MSANTD2: variants seen among roughly 807,000 people sequenced by gnomAD.
MSANTD2 encodes the protein Myb/SANT DNA binding domain containing 2, also known as myb/SANT-like DNA-binding domain-containing protein 2.
A neutral mutation model predicts 52.6 loss-of-function variants in MSANTD2; 19 were observed. That is an observed-to-expected ratio of 0.36 (90% CI 0.25 to 0.53). The LOEUF (loss-of-function observed/expected upper bound fraction) is 0.53, where lower values mean the gene tolerates loss of function less well. Ranked by LOEUF, MSANTD2 falls within the 20% of genes least tolerant of loss-of-function variation. The probability of loss-of-function intolerance (pLI) is 0.91; values close to 1 mark genes in which losing one functional copy is unlikely to be tolerated. For missense variants in MSANTD2, 558 were observed against 716.3 expected (o/e 0.78, Z 2.52); for synonymous variants, 291 against 289.7 (o/e 1.00, Z -0.04).
At chr11:124,773,264 A>C in intron 2 of MSANTD2, 2 of 374,988 alleles carry the variant, frequency 5.3e-6, no homozygotes, top group Non-Finnish European at 9.5e-6. Context: ...AACCAGCTCT[A>C]CAAGTATAAA....
At chr11:124,782,786 G>GT (rs1945025155) in intron 1 of MSANTD2, among the ~76,000 whole-genome samples, 1 of 152,172 alleles carries the variant, frequency 6.6e-6, no homozygotes, top group Non-Finnish European at 1.5e-5. Context: ...TAATTTTAAA[G>GT]TAGTAAATCA....
Position 124,767,233 on chromosome 11 carries a change from G to C in MSANTD2, c.1623C>G (p.Gly541=). 1 of 1,613,934 alleles carries C rather than the reference G, an allele frequency of 6.2e-7. No homozygotes were observed. Among genetic ancestry groups the C allele is most frequent in the South Asian group, 1.1e-5 (1 of 91,022 alleles). ...VEVERDFLSA[G]SLVECLEKAI... Reference sequence around the variant, plus strand: ...CTTTTTCCAGGCACTCAACTAAAGAGCCTGCGGAAAGAAAATCCCTCTCTA... The same window carrying C: ...CTTTTTCCAGGCACTCAACTAAAGACCCTGCGGAAAGAAAATCCCTCTCTA... The change falls in exon 4 of 4, where the codon GGC becomes GGG. Residue 541 remains glycine (G), a synonymous_variant. Transcript: ENST00000374979. The surrounding 1 kb of genome is among the most constrained non-coding windows in gnomAD (Gnocchi z 6.5).
At chr11:124,778,368 GCTTAAAAT>G (rs1449175206) in intron 1 of MSANTD2, among the ~76,000 whole-genome samples, 2 of 152,142 alleles carry the variant, frequency 1.3e-5, no homozygotes, top group East Asian at 3.9e-4. Flanking sequence ...GCAGAAATGT[GCTTAAAAT>G]TATTAAAAAC....
intron 1 of MSANTD2, among the ~76,000 whole-genome samples, chr11:124,788,449 T>C (rs1945233553): frequency 6.6e-6 from 1 of 152,238 alleles, no homozygotes; most frequent in Non-Finnish European, 1.5e-5. Flanking sequence ...TATATGGTTA[T>C]GCTGCAGTGA....
rs544428369 is a variant in MSANTD2, at chr11:124,770,909, T to A, written c.827+2085A>T. Among the ~76,000 whole-genome samples the A allele has an allele frequency of 3.9e-5, 6 of 152,258 alleles. No homozygotes were observed. The East Asian group carries it at 1.2e-3, about 29-fold the overall frequency. ...TACCATCCCTGGCTAATTTTTTGTA[T>A]TTTTAGTAGAGACAGGGTTTCACTA... On this transcript the variant is annotated intron_variant, in intron 3 of 3. Coordinates refer to ENST00000374979, the MANE Select transcript of MSANTD2 (RefSeq NM_001308027.2).
chr11:124,797,007 T>C (rs1224088488), intron 1 of MSANTD2, among the ~76,000 whole-genome samples: 1 of 152,250 alleles, frequency 6.6e-6, no homozygotes, highest in African/African-American at 2.4e-5. Flanking sequence ...TGTAGGAATA[T>C]GATTTCAGTG....
At position 124,774,796 on chromosome 11, in the gene MSANTD2, G is replaced by A. The variant is rs1338662206; in HGVS notation, c.689C>T (p.Thr230Ile). Residue 230 changes from threonine to isoleucine, a missense_variant, in exon 2 of 4, where the codon ACT (threonine) becomes ATT (isoleucine). Around this residue, in one of 2 missense-constraint regions of MSANTD2, gnomAD observed 408 missense variants for 573.6 expected, o/e 0.71. Coordinates refer to ENST00000374979, the MANE Select transcript of MSANTD2 (RefSeq NM_001308027.2). The surrounding 1 kb of genome is among the most constrained non-coding windows in gnomAD (Gnocchi z 5.1). ...GTCCTCCTGTGAATAGTCCTCCATAGTGCTGCCATCTGACTCCAGCTCCTG... is the reference window on the plus strand; with the variant it reads ...GTCCTCCTGTGAATAGTCCTCCATAATGCTGCCATCTGACTCCAGCTCCTG... ...LYQELESDGS[T>I]MEDYSQEDWG... 1 of 1,614,158 alleles carries A rather than the reference G, an allele frequency of 6.2e-7. No homozygotes were observed. Among genetic ancestry groups the A allele is most frequent in the Non-Finnish European group, 8.5e-7 (1 of 1,180,022 alleles).
At chr11:124,784,087 GGTA>G in intron 1 of MSANTD2, 2 of 985,184 alleles carry the variant, frequency 2.0e-6, no homozygotes, top group Non-Finnish European at 2.4e-6. Context: ...AGCAGCAATA[GGTA>G]GTAGCTACAG....
Position 124,767,438 on chromosome 11 carries a change from A to G in MSANTD2, c.1418T>C (p.Ile473Thr), listed in dbSNP as rs1944340084. ...LQVEIEPTRI[I>T]YCYLGIAEVR... ...CTCAGCAATCCCGAGGTAGCAATAG[A>G]TAATTCGGGTGGGTTCTATTTCCAC... The change falls in exon 4 of 4, where the codon ATC becomes ACC. Residue 473 changes from isoleucine to threonine, a missense_variant. Coordinates refer to ENST00000374979, the MANE Select transcript of MSANTD2 (RefSeq NM_001308027.2). This position sits in a 1 kb window ranked among gnomAD's most constrained non-coding sequence, Gnocchi z 6.5. 6.2e-7 allele frequency: 1 copy of G among 1,614,206 alleles called. No homozygotes were observed. Among genetic ancestry groups the G allele is most frequent in the Non-Finnish European group, 8.5e-7 (1 of 1,180,036 alleles).
intron 1 of MSANTD2, chr11:124,791,329 C>G: frequency 7.0e-7 from 1 of 1,421,726 alleles, no homozygotes; most frequent in East Asian, 2.3e-5. Context: ...GAGAGAGACT[C>G]TGGCCCCTAC....
At position 124,767,815 on chromosome 11, in the gene MSANTD2, C is replaced by T. The variant is rs371194502; in HGVS notation, c.1041G>A (p.Glu347=). The T allele has an allele frequency of 1.4e-5, 22 of 1,614,100 alleles. No individual in the cohort carries two copies. The highest frequency in any genetic ancestry group is 4.4e-5 in the South Asian group (4 of 91,086). Reference sequence around the variant, plus strand: ...CTTCAGGCTTCTCAGAGTTGAAGTACTCCCGAAGTCGCTTGCCAAGGGGCA... The same window carrying T: ...CTTCAGGCTTCTCAGAGTTGAAGTATTCCCGAAGTCGCTTGCCAAGGGGCA... ...SQVPLGKRLR[E]YFNSEKPEGR... is the part of the protein sequence containing the mutation. The change falls in exon 4 of 4, where the codon GAG becomes GAA. Residue 347 remains glutamate (E), a synonymous_variant. Transcript: ENST00000374979. This position sits in a 1 kb window ranked among gnomAD's most constrained non-coding sequence, Gnocchi z 6.5.
intron 1 of MSANTD2, chr11:124,784,648 T>C (rs1945101521): frequency 1.0e-6 from 1 of 984,972 alleles, no homozygotes; most frequent in African/African-American, 1.7e-5. Flanking sequence ...CTTTCGTCTG[T>C]TGACCATGTG....
Position 124,767,629 on chromosome 11 carries a change from T to C in MSANTD2, c.1227A>G (p.Gln409=). ...TAGGAATACCCCCAGGCAATAAATA[T>C]TGAACAACATTCCCACCAGTTGGTT... is the stretch of plus-strand genomic sequence containing the variant. ...HSKPTGGNVV[Q]YLLPGGIPKS... Residue 409 remains glutamine, a synonymous_variant, in exon 4 of 4, where the codon CAA becomes CAG. Coordinates refer to ENST00000374979, the MANE Select transcript of MSANTD2 (RefSeq NM_001308027.2). The surrounding 1 kb of genome is among the most constrained non-coding windows in gnomAD (Gnocchi z 6.5). The C allele has an allele frequency of 1.2e-6, 2 of 1,614,194 alleles. No individual in the cohort carries two copies. Among genetic ancestry groups the C allele is most frequent in the Non-Finnish European group, 1.7e-6 (2 of 1,180,030 alleles).
intron 1 of MSANTD2, chr11:124,791,452 C>A: frequency 8.2e-7 from 1 of 1,214,698 alleles, no homozygotes; most frequent in Non-Finnish European, 1.2e-6. Context: ...GGACCCCTCC[C>A]CACCTGCACT....
intron 3 of MSANTD2, among the ~76,000 whole-genome samples, chr11:124,771,113 C>T (rs534384668): frequency 1.3e-5 from 2 of 152,106 alleles, no homozygotes; most frequent in African/African-American, 4.8e-5. Context: ...AGCGATCCAC[C>T]CACCTTGGCC....
intron 1 of MSANTD2, among the ~76,000 whole-genome samples, chr11:124,794,122 T>C (rs556325459): frequency 3.6e-4 from 55 of 152,292 alleles, no homozygotes; most frequent in East Asian, 1.2e-3. Flanking sequence ...CTGAGGTAGA[T>C]AGAGAATATT....
rs1368147338 is a variant in MSANTD2 at position 124,779,303 on chromosome 11, C to T, written c.511-4329G>A. Among the ~76,000 whole-genome samples the T allele has an allele frequency of 1.3e-5, 2 of 152,186 alleles. No individual in the cohort carries two copies. Among genetic ancestry groups the T allele is most frequent in the Non-Finnish European group, 2.9e-5 (2 of 68,030 alleles). ...TTAAGGTTTATTTTGCTTTAGTGTC[C>T]TCCAATCCTTTGACTTTCAGGAAAT... is the stretch of plus-strand genomic sequence containing the variant. On this transcript the variant is annotated intron_variant, in intron 1 of 3. Transcript: ENST00000374979. This position sits in a 1 kb window ranked among gnomAD's most constrained non-coding sequence, Gnocchi z 4.6.
At chr11:124,798,234 T>TAAAAAAAAAAAAAAAAA (rs10601418) in intron 1 of MSANTD2, among the ~76,000 whole-genome samples, 9 of 110,504 alleles carry the variant, frequency 8.1e-5, no homozygotes, top group African/African-American at 2.4e-4. Flanking sequence ...CCCTGTCTCT[T>TAAAAAAAAAAAAAAAAA]AAAAAAAAAA....
rs368348518 is a variant in MSANTD2 at position 124,767,521 on chromosome 11, G to A, written c.1335C>T (p.Asp445=). The A allele has an allele frequency of 2.2e-5, 35 of 1,614,098 alleles. No homozygotes were observed. The highest frequency in any genetic ancestry group is 1.8e-4 in the South Asian group (16 of 91,076). The stretch of plus-strand genomic sequence containing the variant: ...GGTCAACCCGGCCCTCTTTTCCTGG[G>A]TCCAGGGAACTTTGCTCCATGTGTG... ...LSPHMEQSSL[D]PGKEGRVDLE... Residue 445 remains aspartate, a synonymous_variant, in exon 4 of 4, where the codon GAC becomes GAT. Transcript: ENST00000374979. This position sits in a 1 kb window ranked among gnomAD's most constrained non-coding sequence, Gnocchi z 6.5.
Sources: allele counts gnomAD v4.1 joint callset (sites outside exome capture counted in the v4.1 genomes callset), GRCh38; gene constraint gnomAD v4.1.1; regional missense constraint gnomAD v4.1.1; non-coding constraint Gnocchi (gnomAD v3.1); transcripts MANE v1.5; gene names NCBI Gene and HGNC (gene_info 2026-07-23, HGNC 2026-07-21).